GRXCR1: variants seen among roughly 807,000 people sequenced by gnomAD.
GRXCR1 encodes glutaredoxin domain-containing cysteine-rich protein 1.
GRXCR1 carries 27 observed loss-of-function variants against 27.3 expected under a neutral mutation model. That is an observed-to-expected ratio of 0.99 (90% CI 0.73 to 1.37). GRXCR1 has a LOEUF of 1.37. Among genes scored for constraint, GRXCR1 ranks in the 40% most tolerant of loss-of-function variants. The probability of loss-of-function intolerance (pLI) is 0.00; values close to 1 mark genes in which losing one functional copy is unlikely to be tolerated. For missense variants in GRXCR1, 379 were observed against 354.4 expected, an observed-to-expected ratio of 1.07 and a Z score of -0.56; for synonymous variants, 122 against 131.1, an observed-to-expected ratio of 0.93 and a Z score of 0.47.
chr4:42,946,027 C>T (rs1277643698), intron 1 of GRXCR1, among the ~76,000 whole-genome samples: 1 of 152,152 alleles, frequency 6.6e-6, no homozygotes, highest in Non-Finnish European at 1.5e-5. Context: ...TATCATGTTG[C>T]TCAGGGTAAG....
intron 3 of GRXCR1, among the ~76,000 whole-genome samples, chr4:43,028,223 C>T (rs1370371474): frequency 6.6e-6 from 1 of 152,106 alleles, no homozygotes; most frequent in Admixed American, 6.6e-5. Flanking sequence ...TAAATTTTGC[C>T]AGATACAATG....
At chr4:43,023,480 T>A (rs1031334296) in intron 3 of GRXCR1, among the ~76,000 whole-genome samples, 1 of 152,172 alleles carries the variant, frequency 6.6e-6, no homozygotes, top group Admixed American at 6.5e-5. Context: ...TCGATCTGAT[T>A]TGTTGATGAA....
chr4:42,973,580 C>T (rs1748436925), intron 2 of GRXCR1, among the ~76,000 whole-genome samples: 1 of 152,038 alleles, frequency 6.6e-6, no homozygotes, highest in South Asian at 2.1e-4. Context: ...CCCCCACTTA[C>T]TCAGTTTTCT....
At chr4:42,895,468 C>G (rs1189777489) in intron 1 of GRXCR1, among the ~76,000 whole-genome samples, 2 of 152,102 alleles carry the variant, frequency 1.3e-5, no homozygotes, top group African/African-American at 2.4e-5. Flanking sequence ...TGTAGGCATT[C>G]ACAAATTTTG....
chr4:42,900,327 C>T (rs948217603), intron 1 of GRXCR1, among the ~76,000 whole-genome samples: 1 of 152,032 alleles, frequency 6.6e-6, no homozygotes, highest in African/African-American at 2.4e-5. Flanking sequence ...CATCTTTGCT[C>T]AATTTTATTT....
chr4:43,020,663 C>T (rs1713065333), intron 3 of GRXCR1, among the ~76,000 whole-genome samples: 1 of 152,088 alleles, frequency 6.6e-6, no homozygotes, highest in Non-Finnish European at 1.5e-5. Context: ...TATTTGATCC[C>T]AACTCTCTGT....
At chr4:42,972,434 T>A (rs997799550) in intron 2 of GRXCR1, among the ~76,000 whole-genome samples, 1 of 152,128 alleles carries the variant, frequency 6.6e-6, no homozygotes, top group African/African-American at 2.4e-5. Flanking sequence ...GGCCTTCAGA[T>A]AGTACAGGGA....
intron 1 of GRXCR1, among the ~76,000 whole-genome samples, chr4:42,909,798 T>A (rs1443160789): frequency 6.6e-6 from 1 of 152,186 alleles, no homozygotes; most frequent in African/African-American, 2.4e-5. Context: ...GTAGCATTTA[T>A]ACATAAAATC....
At chr4:43,022,249 G>T (rs1713115111) in intron 3 of GRXCR1, among the ~76,000 whole-genome samples, 1 of 151,998 alleles carries the variant, frequency 6.6e-6, no homozygotes, top group Non-Finnish European at 1.5e-5. Flanking sequence ...TTAATTCTAT[G>T]GTTTAAGAGC....
intron 1 of GRXCR1, among the ~76,000 whole-genome samples, chr4:42,947,835 C>A (rs1006322361): frequency 6.6e-6 from 1 of 152,126 alleles, no homozygotes; most frequent in Non-Finnish European, 1.5e-5. Context: ...TAAATGTTAA[C>A]CTTCCTTTAC....
intron 1 of GRXCR1, among the ~76,000 whole-genome samples, chr4:42,949,379 A>G (rs936551615): frequency 1.4e-5 from 2 of 141,716 alleles, no homozygotes; most frequent in Non-Finnish European, 3.1e-5. Context: ...AAAAAAAACA[A>G]CTTTAAAATT....
At chr4:42,968,363 C>T (rs1178449770) in intron 2 of GRXCR1, among the ~76,000 whole-genome samples, 1 of 152,094 alleles carries the variant, frequency 6.6e-6, no homozygotes, top group South Asian at 2.1e-4. Flanking sequence ...AATTGGTCTA[C>T]TTTCTGGCAA....
chr4:42,909,851 G>A (rs1174593795), intron 1 of GRXCR1, among the ~76,000 whole-genome samples: 1 of 152,080 alleles, frequency 6.6e-6, no homozygotes, highest in Non-Finnish European at 1.5e-5. Context: ...CCTCTCAAAA[G>A]CCAAGTGTGA....
At chr4:42,910,654 G>C (rs1205458555) in intron 1 of GRXCR1, among the ~76,000 whole-genome samples, 1 of 152,128 alleles carries the variant, frequency 6.6e-6, no homozygotes, top group African/African-American at 2.4e-5. Context: ...ATGAGGCCTG[G>C]AGGGTGTGAG....
intron 1 of GRXCR1, among the ~76,000 whole-genome samples, chr4:42,903,927 C>T (rs1212518600): frequency 2.0e-5 from 3 of 152,114 alleles, no homozygotes; most frequent in Non-Finnish European, 4.4e-5. Flanking sequence ...GTCTTTGCCT[C>T]TCTCCTTACC....
intron 2 of GRXCR1, among the ~76,000 whole-genome samples, chr4:42,986,996 A>ATGTG (rs1160821665): frequency 1.7e-4 from 19 of 113,086 alleles, no homozygotes; most frequent in African/African-American, 6.9e-4. Context: ...TTTAAGAGAT[A>ATGTG]TGTGTATGTG....
Position 42,893,222 on chromosome 4 carries a change from A to T in GRXCR1, c.-45A>T, listed in dbSNP as rs764297139. 1 of 1,611,732 alleles carries T rather than the reference A, an allele frequency of 6.2e-7. No individual in the cohort carries two copies. On this transcript the variant is annotated 5_prime_UTR_variant, in exon 1 of 4. Coordinates refer to ENST00000399770, the MANE Select transcript of GRXCR1 (RefSeq NM_001080476.3). ...TGGCAAGTGGACTAGTGCAGTAACA[A>T]CGGGTCCAGAATGCTGTAAACTGTT...
At chr4:42,947,601 A>T (rs1365044630) in intron 1 of GRXCR1, among the ~76,000 whole-genome samples, 2 of 152,144 alleles carry the variant, frequency 1.3e-5, no homozygotes, top group Non-Finnish European at 2.9e-5. Context: ...TATTTTGTTC[A>T]ATAATTTCAT....
At chr4:43,005,412 T>G (rs546221987) in intron 2 of GRXCR1, among the ~76,000 whole-genome samples, 31 of 152,342 alleles carry the variant, frequency 2.0e-4, no homozygotes, top group African/African-American at 6.7e-4. Context: ...TGAAACAATT[T>G]TATTATTATA....
Sources: gnomAD v4.1 joint callset for allele counts (sites outside exome capture counted in the v4.1 genomes callset) on GRCh38, gnomAD v4.1.1 for gene constraint, MANE v1.5 for transcripts, NCBI Gene and HGNC (gene_info 2026-07-23, HGNC 2026-07-21) for gene names.